The following KCNQ3 variants were observed in gnomAD, a reference collection of about 807,000 sequenced individuals.
KCNQ3 encodes potassium voltage-gated channel subfamily Q member 3.
Under a neutral mutation model 92.5 loss-of-function variants are expected in KCNQ3, and 30 were observed. The observed-to-expected ratio is 0.32, with a 90% CI of 0.24 to 0.44. The LOEUF (loss-of-function observed/expected upper bound fraction) is 0.44. Among genes scored for constraint, KCNQ3 ranks in the 20% least tolerant of loss-of-function variants. The pLI is 1.00. For missense variants in KCNQ3, 913 were observed against 1,140.3 expected, an observed-to-expected ratio of 0.80 and a Z score of 2.87; for synonymous variants, 450 against 468.8, an observed-to-expected ratio of 0.96 and a Z score of 0.52.
chr8:132,402,860 C>CA (rs1411980681), intron 1 of KCNQ3, among the ~76,000 whole-genome samples: 2 of 151,320 alleles, frequency 1.3e-5, no homozygotes, highest in East Asian at 3.9e-4. Flanking sequence ...TACTAAAATA[C>CA]AAAAAATTAG....
At chr8:132,208,500 A>G (rs1813739322) in intron 1 of KCNQ3, among the ~76,000 whole-genome samples, 1 of 152,004 alleles carries the variant, frequency 6.6e-6, no homozygotes, top group Non-Finnish European at 1.5e-5. Context: ...ACTATTCCCA[A>G]CTCCTAGGAC....
rs117675040 is a variant in KCNQ3, at chr8:132,453,162, G to A, written c.386+26985C>T. Among the ~76,000 whole-genome samples the A allele has an allele frequency of 3.3e-4, 51 of 152,332 alleles. No individual in the cohort carries two copies. In the East Asian group the frequency reaches 9.3e-3, roughly 28 times the overall value. On this transcript the variant is annotated intron_variant, in intron 1 of 14. Transcript: ENST00000388996. ...AGGAAGGGCCATGGTGATCTGGAGA[G>A]CAGAATGCTGGGGAATGGCTGGTCC...
chr8:132,137,769 G>T, intron 12 of KCNQ3, 116 bp downstream of exon 12: 2 of 1,288,676 alleles, frequency 1.6e-6, no homozygotes, highest in African/African-American at 1.5e-5. Context: ...GTGGATATTT[G>T]TCTTCTTAAA....
At chr8:132,317,143 T>C (rs12541666) in intron 1 of KCNQ3, among the ~76,000 whole-genome samples, 43,222 of 152,088 alleles carry the variant, frequency 0.28, 7,206 homozygotes, top group African/African-American at 0.46. Flanking sequence ...ATGGTTTATG[T>C]GGAGCACCCA....
chr8:132,342,142 A>G (rs772313556), intron 1 of KCNQ3, among the ~76,000 whole-genome samples: 1 of 151,950 alleles, frequency 6.6e-6, no homozygotes, highest in Non-Finnish European at 1.5e-5. Flanking sequence ...ACGGAGGATG[A>G]TGATCTCTTA....
intron 1 of KCNQ3, among the ~76,000 whole-genome samples, chr8:132,230,658 G>A (rs1814617064): frequency 6.6e-6 from 1 of 152,174 alleles, no homozygotes; most frequent in Non-Finnish European, 1.5e-5. Context: ...CATAATTCCT[G>A]AAATTCTTGC....
intron 1 of KCNQ3, among the ~76,000 whole-genome samples, chr8:132,324,985 G>GTT (rs547590556): frequency 6.3e-5 from 9 of 142,984 alleles, no homozygotes; most frequent in Middle Eastern, 3.5e-3. Context: ...GTCCTAGTTA[G>GTT]TTTTTTTTTT....
chr8:132,187,804 G>GTGA (rs1827028940), intron 1 of KCNQ3, among the ~76,000 whole-genome samples: 1 of 143,626 alleles, frequency 7.0e-6, no homozygotes, highest in African/African-American at 2.6e-5. Context: ...GGTGGTGATA[G>GTGA]TGATGGTGGT....
At chr8:132,172,775 T>C in intron 6 of KCNQ3, 82 bp from the exon 7 acceptor site, 1 of 984,574 alleles carries the variant, frequency 1.0e-6, no homozygotes, top group Non-Finnish European at 1.6e-6. Flanking sequence ...TAATGGGGAC[T>C]GTAGGGCTCA....
intron 1 of KCNQ3, among the ~76,000 whole-genome samples, chr8:132,368,978 C>A (rs1356199706): frequency 6.6e-6 from 1 of 152,128 alleles, no homozygotes; most frequent in Non-Finnish European, 1.5e-5. Flanking sequence ...GTTCATTAGG[C>A]TTCTCTAGAC....
chr8:132,437,627 C>T (rs951710204), intron 1 of KCNQ3, among the ~76,000 whole-genome samples: 3 of 152,190 alleles, frequency 2.0e-5, no homozygotes, highest in African/African-American at 7.2e-5. Flanking sequence ...ATCACTGTTT[C>T]TGATGCCTCT....
intron 1 of KCNQ3, among the ~76,000 whole-genome samples, chr8:132,464,022 T>A (rs538928460): frequency 6.6e-6 from 1 of 152,266 alleles, no homozygotes; most frequent in African/African-American, 2.4e-5. Flanking sequence ...CTGTTTCTAC[T>A]AAAAGTACAA....
At chr8:132,148,342 T>G (rs1825526614) in intron 9 of KCNQ3, among the ~76,000 whole-genome samples, 1 of 152,164 alleles carries the variant, frequency 6.6e-6, no homozygotes, top group South Asian at 2.1e-4. Context: ...TTCAAGCGAT[T>G]CTACTGCCTC....
At chr8:132,399,545 A>T (rs1372824278) in intron 1 of KCNQ3, among the ~76,000 whole-genome samples, 1 of 152,170 alleles carries the variant, frequency 6.6e-6, no homozygotes, top group Non-Finnish European at 1.5e-5. Flanking sequence ...AATAAACCCT[A>T]TGATTTGTAT....
chr8:132,272,601 C>G (rs938692342), intron 1 of KCNQ3, among the ~76,000 whole-genome samples: 18 of 152,124 alleles, frequency 1.2e-4, no homozygotes, highest in Admixed American at 1.3e-4. Context: ...CAAGAAGGAG[C>G]AAATCACATC....
chr8:132,122,662 T>C lies in KCNQ3; in HGVS notation c.*6600A>G, dbSNP rs1824519919. 6.6e-6 allele frequency: 1 copy of C among 152,164 alleles called. No homozygotes were observed. Among genetic ancestry groups the C allele is most frequent in the Non-Finnish European group, 1.5e-5 (1 of 68,050 alleles). The allele number at this position is 152,164 out of a possible 1,614,324, so 9.4% of individuals were successfully genotyped here. ...AAATTACTGGGCCAACTATTGTTGT[T>C]CTAGAACTTGACCATCCTTCTTTCT... On this transcript the variant is annotated 3_prime_UTR_variant, in exon 15 of 15. Coordinates refer to ENST00000388996, the MANE Select transcript of KCNQ3 (RefSeq NM_004519.4).
chr8:132,246,830 A>T (rs1228961042), intron 1 of KCNQ3, among the ~76,000 whole-genome samples: 1 of 152,186 alleles, frequency 6.6e-6, no homozygotes, highest in Non-Finnish European at 1.5e-5. Flanking sequence ...TATTGTATGG[A>T]CTATCAGCAC....
intron 1 of KCNQ3, among the ~76,000 whole-genome samples, chr8:132,258,314 C>A (rs542853856): frequency 6.6e-6 from 1 of 152,092 alleles, no homozygotes; most frequent in African/African-American, 2.4e-5. Flanking sequence ...AATATGTGTT[C>A]TCTAATGACA....
chr8:132,421,489 C>A (rs896065929), intron 1 of KCNQ3, among the ~76,000 whole-genome samples: 1 of 151,828 alleles, frequency 6.6e-6, no homozygotes, highest in Non-Finnish European at 1.5e-5. Flanking sequence ...CGCAGAGGAG[C>A]AGAGGAAAGA....
Sources: gnomAD v4.1 joint callset for allele counts (sites outside exome capture counted in the v4.1 genomes callset) on GRCh38, gnomAD v4.1.1 for gene constraint, MANE v1.5 for transcripts, NCBI Gene and HGNC (gene_info 2026-07-23, HGNC 2026-07-21) for gene names.